The following MAP2K1 variants were observed in gnomAD, a reference collection of about 807,000 sequenced individuals.
MAP2K1 encodes the protein dual specificity mitogen-activated protein kinase kinase 1.
In MAP2K1, 16 loss-of-function variants were observed where a neutral mutation model predicts 46.3. That is an observed-to-expected ratio of 0.35 (90% confidence interval 0.23 to 0.52). The LOEUF is 0.52. Among genes scored for constraint, MAP2K1 ranks in the 20% least tolerant of loss-of-function variants. MAP2K1 has a pLI of 0.94. For synonymous variants in MAP2K1, 183 were observed against 185.6 expected, an observed-to-expected ratio of 0.99 and a Z score of 0.11; for missense variants, 263 against 497.1, an observed-to-expected ratio of 0.53 and a Z score of 4.48.
rs538762453 is a variant in MAP2K1 at position 66,434,873 on chromosome 15, G to A, written c.81-154G>A. Among the ~76,000 whole-genome samples the A allele has an allele frequency of 1.2e-4, 19 of 152,294 alleles. 1 individual carries two copies. In the South Asian group the frequency reaches 3.7e-3, roughly 30 times the overall value. On this transcript the variant is annotated intron_variant, in intron 1 of 10. Transcript: ENST00000307102. ...ATCCCGGGTGGCTGGAGTGAAGTGG[G>A]CAGAGCCACAGTGGGAGGGGGCCTC...
intron 3 of MAP2K1, 100 bp downstream of exon 3, chr15:66,436,992 C>T: frequency 8.1e-7 from 1 of 1,240,916 alleles, no homozygotes; most frequent in East Asian, 2.3e-5. Flanking sequence ...CTCCCTGCTG[C>T]TCCTGGGATC....
intron 5 of MAP2K1, among the ~76,000 whole-genome samples, chr15:66,462,496 CAAAAAAAAAAA>C (rs551065737): frequency 4.1e-5 from 3 of 72,910 alleles, no homozygotes; most frequent in South Asian, 1.0e-3. Flanking sequence ...GACTCTGTCT[CAAAAAAAAAAA>C]AAAAAAAAAG....
At chr15:66,466,438 G>A (rs551275588) in intron 5 of MAP2K1, among the ~76,000 whole-genome samples, 107 of 152,172 alleles carry the variant, frequency 7.0e-4, no homozygotes, top group African/African-American at 2.5e-3. Context: ...CAGCACTTTC[G>A]GAGGCTGAGG....
chr15:66,461,655 T>A (rs892813517), intron 5 of MAP2K1, among the ~76,000 whole-genome samples: 3 of 152,160 alleles, frequency 2.0e-5, no homozygotes, highest in Non-Finnish European at 2.9e-5. Flanking sequence ...AAGTTTATTG[T>A]TGGAGGTAAG....
rs189306997 is a variant in MAP2K1, at chr15:66,486,945, G to A, written c.896-283G>A. On this transcript the variant is annotated intron_variant, in intron 7 of 10. Coordinates refer to ENST00000307102, the MANE Select transcript of MAP2K1 (RefSeq NM_002755.4). ...TCTCTCAATAGAAGGAAGGGGGAAA[G>A]GACAGACATAATTATTATGTCTCTG... Among the ~76,000 whole-genome samples the A allele has an allele frequency of 3.3e-3, 495 of 152,236 alleles. 1 individual carries two copies. The highest frequency in any genetic ancestry group is 3.6e-3 in the Non-Finnish European group (248 of 68,002).
At chr15:66,438,300 G>A (rs559661164) in intron 3 of MAP2K1, among the ~76,000 whole-genome samples, 5 of 151,984 alleles carry the variant, frequency 3.3e-5, no homozygotes, top group African/African-American at 1.2e-4. Context: ...TGTTGGCCAG[G>A]CTGGTCTCGA....
At chr15:66,423,066 A>G (rs970413246) in intron 1 of MAP2K1, among the ~76,000 whole-genome samples, 1 of 151,682 alleles carries the variant, frequency 6.6e-6, no homozygotes, top group African/African-American at 2.4e-5. Flanking sequence ...CTCCCAAAAT[A>G]TTGGTATTAC....
chr15:66,443,082 A>T (rs201338720), intron 3 of MAP2K1, among the ~76,000 whole-genome samples, 198 bp from the exon 4 acceptor site: 222 of 91,006 alleles, frequency 2.4e-3, no homozygotes, highest in Admixed American at 4.9e-3. Flanking sequence ...TTGTGTGTGT[A>T]TTTTTTTTTT....
At chr15:66,434,293 A>G (rs184196094) in intron 1 of MAP2K1, among the ~76,000 whole-genome samples, 2 of 152,308 alleles carry the variant, frequency 1.3e-5, no homozygotes, top group African/African-American at 4.8e-5. Context: ...TAATCACAAT[A>G]TAACTTTAAC....
rs1893251268 is a variant in MAP2K1 at position 66,491,358 on chromosome 15, G to C, written c.*743G>C. 1.3e-5 allele frequency: 3 copies of C among 233,146 alleles called. No individual in the cohort carries two copies. Among genetic ancestry groups the C allele is most frequent in the South Asian group, 1.8e-4 (1 of 5,596 alleles). 14.4% of individuals were successfully genotyped at this position (233,146 alleles called of 1,614,324 possible). On this transcript the variant is annotated 3_prime_UTR_variant, in exon 11 of 11. Coordinates refer to ENST00000307102, the MANE Select transcript of MAP2K1 (RefSeq NM_002755.4). ...GGAATTATTTTGAATGTCACAAATT[G>C]ATCAAGATATTAAAATGTCGGATTT... is the stretch of plus-strand genomic sequence containing the variant.
chr15:66,464,432 C>T (rs774269530), intron 5 of MAP2K1, among the ~76,000 whole-genome samples: 5 of 152,140 alleles, frequency 3.3e-5, no homozygotes, highest in Admixed American at 6.5e-5. Flanking sequence ...TGTCTAGCTT[C>T]GGTTCACAGG....
At chr15:66,469,464 G>A (rs1015634448) in intron 5 of MAP2K1, among the ~76,000 whole-genome samples, 2 of 137,970 alleles carry the variant, frequency 1.4e-5, no homozygotes, top group East Asian at 2.1e-4. Context: ...AAGGGAGTCT[G>A]GTGCCTCCTT....
intron 1 of MAP2K1, among the ~76,000 whole-genome samples, chr15:66,434,643 G>A (rs117284039): frequency 1.3e-3 from 195 of 152,206 alleles, no homozygotes; most frequent in Non-Finnish European, 1.5e-3. Context: ...TTTATTTTGC[G>A]TATGGTAAAA....
chr15:66,416,355 C>G (rs888419506), intron 1 of MAP2K1, among the ~76,000 whole-genome samples: 21 of 151,894 alleles, frequency 1.4e-4, no homozygotes, highest in African/African-American at 4.6e-4. Flanking sequence ...TACAATCCCC[C>G]CCAAACACAC....
chr15:66,459,463 A>G (rs1892260188), intron 5 of MAP2K1, among the ~76,000 whole-genome samples: 1 of 151,082 alleles, frequency 6.6e-6, no homozygotes, highest in African/African-American at 2.4e-5. Context: ...CTAAAATACA[A>G]AAAAATTAGC....
At chr15:66,453,473 G>C in intron 5 of MAP2K1, 2 of 702,232 alleles carry the variant, frequency 2.8e-6, no homozygotes, top group South Asian at 3.0e-5. Flanking sequence ...AGAAGCCCTG[G>C]AAGAATGAAC....
chr15:66,421,093 TACAC>T (rs71454561), intron 1 of MAP2K1, among the ~76,000 whole-genome samples: 1,854 of 128,788 alleles, frequency 0.014, 37 homozygotes, highest in African/African-American at 0.046. Flanking sequence ...TACACACACA[TACAC>T]ACACACACAC....
chr15:66,461,208 G>A (rs1272570362), intron 5 of MAP2K1, among the ~76,000 whole-genome samples: 1 of 152,050 alleles, frequency 6.6e-6, no homozygotes, highest in African/African-American at 2.4e-5. Flanking sequence ...AACAAGAGTG[G>A]GCTGGGCGCA....
At chr15:66,474,547 G>A (rs899464182) in intron 5 of MAP2K1, among the ~76,000 whole-genome samples, 2 of 152,064 alleles carry the variant, frequency 1.3e-5, no homozygotes, top group Admixed American at 6.5e-5. Context: ...TTCCTTCCCC[G>A]GCCACAGCTC....
Sources: gnomAD v4.1 joint callset for allele counts (sites outside exome capture counted in the v4.1 genomes callset) on GRCh38, gnomAD v4.1.1 for gene constraint, MANE v1.5 for transcripts, NCBI Gene and HGNC (gene_info 2026-07-23, HGNC 2026-07-21) for gene names.